The following NLGN1 variants were observed in gnomAD, a reference collection of about 807,000 sequenced individuals.
NLGN1 encodes the protein neuroligin-1.
In NLGN1, 12 loss-of-function variants were observed where a neutral mutation model predicts 65.5. That is an observed-to-expected ratio of 0.18 (90% CI 0.12 to 0.30). NLGN1 has a LOEUF of 0.30. Among genes scored for constraint, NLGN1 ranks in the 10% least tolerant of loss-of-function variants. NLGN1 has a pLI of 1.00. For synonymous variants in NLGN1, 350 were observed against 359.5 expected, an observed-to-expected ratio of 0.97 and a Z score of 0.30; for missense variants, 750 against 1,007.1, an observed-to-expected ratio of 0.74 and a Z score of 3.46.
intron 4 of NLGN1, among the ~76,000 whole-genome samples, chr3:173,991,659 A>G (rs1242532428): frequency 6.6e-6 from 1 of 152,204 alleles, no homozygotes; most frequent in African/African-American, 2.4e-5. Context: ...AAGGAAGTAC[A>G]AAGTAGGAGA....
intron 3 of NLGN1, among the ~76,000 whole-genome samples, chr3:173,675,419 A>G (rs1381300219): frequency 6.6e-6 from 1 of 151,800 alleles, no homozygotes; most frequent in Non-Finnish European, 1.5e-5. Flanking sequence ...AGCTTCAGGT[A>G]GCAGAAGTAA....
intron 4 of NLGN1, among the ~76,000 whole-genome samples, chr3:174,106,451 T>C (rs1713825901): frequency 6.6e-6 from 1 of 152,126 alleles, no homozygotes; most frequent in Admixed American, 6.6e-5. Flanking sequence ...TATTCTCTTC[T>C]TGTCTTTTAT....
At chr3:174,171,670 C>G (rs1728556526) in intron 4 of NLGN1, among the ~76,000 whole-genome samples, 1 of 152,216 alleles carries the variant, frequency 6.6e-6, no homozygotes, top group Non-Finnish European at 1.5e-5. Context: ...AATACCAGCA[C>G]TACAAATCAT....
At chr3:173,954,698 C>A (rs1711555643) in intron 4 of NLGN1, among the ~76,000 whole-genome samples, 1 of 152,084 alleles carries the variant, frequency 6.6e-6, no homozygotes, top group Non-Finnish European at 1.5e-5. Context: ...GGTCACTAAA[C>A]TAAGGTTTAG....
intron 3 of NLGN1, among the ~76,000 whole-genome samples, chr3:173,653,021 C>G (rs1453979774): frequency 6.6e-6 from 1 of 151,904 alleles, no homozygotes; most frequent in Non-Finnish European, 1.5e-5. Flanking sequence ...GGATTACCTT[C>G]TTGATTTTGT....
intron 4 of NLGN1, among the ~76,000 whole-genome samples, chr3:174,064,003 A>C (rs9852376): frequency 6.6e-6 from 1 of 152,026 alleles, no homozygotes; most frequent in Admixed American, 6.6e-5. Flanking sequence ...TTAGCCAGGC[A>C]TGGTGACAGG....
chr3:174,190,937 G>C (rs530111648), intron 4 of NLGN1, among the ~76,000 whole-genome samples: 1 of 151,972 alleles, frequency 6.6e-6, no homozygotes, highest in Non-Finnish European at 1.5e-5. Flanking sequence ...TTGACTGGGG[G>C]CCGAGATCTC....
chr3:174,141,577 C>T (rs575377137), intron 4 of NLGN1, among the ~76,000 whole-genome samples: 1 of 152,286 alleles, frequency 6.6e-6, no homozygotes, highest in Admixed American at 6.5e-5. Flanking sequence ...AAAATGTCTT[C>T]CTCATAGTAC....
intron 2 of NLGN1, among the ~76,000 whole-genome samples, chr3:173,539,589 T>A (rs1316625797): frequency 7.2e-6 from 1 of 139,266 alleles, no homozygotes; most frequent in African/African-American, 2.7e-5. Flanking sequence ...ATGTTATATA[T>A]GTTATATAAT....
intron 4 of NLGN1, among the ~76,000 whole-genome samples, chr3:174,180,136 A>G (rs1730126071): frequency 6.6e-6 from 1 of 152,192 alleles, no homozygotes; most frequent in Admixed American, 6.6e-5. Context: ...AAAGAGTCAC[A>G]GAAGAGTTAC....
At chr3:173,853,434 G>A (rs954166774) in intron 4 of NLGN1, among the ~76,000 whole-genome samples, 2 of 152,080 alleles carry the variant, frequency 1.3e-5, no homozygotes, top group Non-Finnish European at 2.9e-5. Context: ...GTCTTTCTCC[G>A]AAATTGAGTC....
intron 4 of NLGN1, among the ~76,000 whole-genome samples, chr3:174,242,873 G>A (rs1743154701): frequency 6.6e-6 from 1 of 152,098 alleles, no homozygotes; most frequent in African/African-American, 2.4e-5. Context: ...GGCGACCAGT[G>A]CCAAAAATGT....
At chr3:173,967,631 C>G (rs1715178782) in intron 4 of NLGN1, among the ~76,000 whole-genome samples, 1 of 152,016 alleles carries the variant, frequency 6.6e-6, no homozygotes, top group Admixed American at 6.6e-5. Flanking sequence ...TTGGCATGTT[C>G]TCTATAATTT....
chr3:173,754,045 T>C (rs1255597478), intron 3 of NLGN1, among the ~76,000 whole-genome samples: 1 of 147,364 alleles, frequency 6.8e-6, no homozygotes, highest in Non-Finnish European at 1.5e-5. Flanking sequence ...TTTGTTTTTT[T>C]TTTTGTTGTT....
intron 4 of NLGN1, among the ~76,000 whole-genome samples, chr3:174,086,517 G>A (rs1271364628): frequency 1.3e-5 from 2 of 151,230 alleles, no homozygotes; most frequent in East Asian, 1.9e-4. Flanking sequence ...AACATGAAGA[G>A]GATATAACAT....
At chr3:173,881,282 A>G (rs533995695) in intron 4 of NLGN1, among the ~76,000 whole-genome samples, 3 of 151,534 alleles carry the variant, frequency 2.0e-5, no homozygotes, top group Non-Finnish European at 4.4e-5. Context: ...TATTTTTGCT[A>G]GAGACGAGGG....
At chr3:173,788,960 G>T (rs1466831461) in intron 3 of NLGN1, among the ~76,000 whole-genome samples, 1 of 151,910 alleles carries the variant, frequency 6.6e-6, no homozygotes, top group Non-Finnish European at 1.5e-5. Flanking sequence ...CACTTTGGGA[G>T]GCTGAGGTAG....
In NLGN1 at chr3:173,857,178, A is replaced by T. The variant is rs927157639; in HGVS notation, c.646+49346A>T. ...TGAAGTAGGTGGGGGTTGGGGTAGC[A>T]TGTCCTTAAGTCAAGCAGATAGAAG... On this transcript the variant is annotated intron_variant, in intron 4 of 6. Transcript: ENST00000457714. Among the ~76,000 whole-genome samples the T allele has an allele frequency of 2.6e-5, 4 of 152,044 alleles. No individual in the cohort carries two copies. In the East Asian group the frequency reaches 7.7e-4, roughly 29 times the overall value.
intron 4 of NLGN1, among the ~76,000 whole-genome samples, chr3:174,138,041 C>G (rs573069339): frequency 6.6e-6 from 1 of 152,288 alleles, no homozygotes; most frequent in South Asian, 2.1e-4. Flanking sequence ...TATTTTCTAG[C>G]AATTCTGTTT....
Sources: gnomAD v4.1 joint callset for allele counts (sites outside exome capture counted in the v4.1 genomes callset) on GRCh38, gnomAD v4.1.1 for gene constraint, MANE v1.5 for transcripts, NCBI Gene and HGNC (gene_info 2026-07-23, HGNC 2026-07-21) for gene names.